The following GTF2F1 variants were observed in gnomAD, a reference collection of about 807,000 sequenced individuals.
The protein encoded by GTF2F1 is general transcription factor IIF subunit 1.
GTF2F1 carries 39 observed loss-of-function variants against 63.5 expected under a neutral mutation model. The ratio of observed to expected loss-of-function variants is 0.61; its 90% confidence interval spans 0.48 to 0.80. GTF2F1 has a LOEUF of 0.80. GTF2F1 is among the 30% of genes least tolerant of loss of function. The probability of loss-of-function intolerance (pLI) is 0.00; values close to 1 mark genes in which losing one functional copy is unlikely to be tolerated. For synonymous variants in GTF2F1, 287 were observed against 285.3 expected (o/e 1.01, Z -0.06); for missense variants, 657 against 718.3 (o/e 0.91, Z 0.97).
chr19:6,380,700 T>C lies in GTF2F1; in HGVS notation c.1232-10A>G, dbSNP rs1286300789. On this transcript the variant is annotated splice_polypyrimidine_tract_variant and intron_variant, in intron 11 of 12. Transcript: ENST00000394456. The surrounding 1 kb of genome is among the most constrained non-coding windows in gnomAD (Gnocchi z 5.3). ...TCGCTCACCCGCTTCCCTGTGGGAG[T>C]GGGGTCAGGGCTGAGTCTTGCAGGC... 3.7e-6 allele frequency: 6 copies of C among 1,607,570 alleles called. No individual in the cohort carries two copies. The highest frequency in any genetic ancestry group is 1.3e-5 in the African/African-American group (1 of 74,676).
In GTF2F1 at chr19:6,381,531, C is replaced by CG. The variant is rs2091951267; in HGVS notation, c.898+22dup. On this transcript the variant is annotated intron_variant, in intron 8 of 12. Transcript: ENST00000394456. The surrounding 1 kb of genome is among the most constrained non-coding windows in gnomAD (Gnocchi z 4.1). The stretch of plus-strand genomic sequence containing the variant: ...CAGGGAAGCACCGCCCCCATCTCCC[C>CG]GGCCCGCCCAGCCATCGCCTACCCT... 1.2e-6 allele frequency: 2 copies of CG among 1,611,054 alleles called. No homozygotes were observed. The highest frequency in any genetic ancestry group is 1.7e-6 in the Non-Finnish European group (2 of 1,179,926).
chr19:6,380,395 C>T lies in GTF2F1; in HGVS notation c.1440G>A (p.Lys480=), dbSNP rs1333309036. 3 of 1,614,114 alleles carry T rather than the reference C, an allele frequency of 1.9e-6. No homozygotes were observed. The highest frequency in any genetic ancestry group is 2.5e-6 in the Non-Finnish European group (3 of 1,180,020). Residue 480 remains lysine, a synonymous_variant, in exon 13 of 13, where the codon AAG becomes AAA. Coordinates refer to ENST00000394456, the MANE Select transcript of GTF2F1 (RefSeq NM_002096.3). This position sits in a 1 kb window ranked among gnomAD's most constrained non-coding sequence, Gnocchi z 5.3. ...TKDLLKKFQT[K]KTGLSSEQTV... ...TCTGCTCGCTGCTCAGCCCTGTCTTCTTGGTCTGGAACTTTTTCAGCAGGT... is the reference window on the plus strand; with the variant it reads ...TCTGCTCGCTGCTCAGCCCTGTCTTTTTGGTCTGGAACTTTTTCAGCAGGT...
At chr19:6,387,296 C>A in intron 5 of GTF2F1, 93 bp downstream of exon 5, 2 of 1,272,136 alleles carry the variant, frequency 1.6e-6, no homozygotes, top group Non-Finnish European at 2.2e-6. Flanking sequence ...ACCCCTGAGT[C>A]CCCAGCTCCC....
At chr19:6,385,557 T>C (rs888865127) in intron 5 of GTF2F1, among the ~76,000 whole-genome samples, 7 of 152,088 alleles carry the variant, frequency 4.6e-5, no homozygotes, top group Admixed American at 2.0e-4. Context: ...CCAGCAATGA[T>C]TGATCGACTG....
rs145464781 is a variant in GTF2F1, at chr19:6,389,566, G to A, written c.204C>T (p.Gly68=). The change falls in exon 4 of 13, where the codon GGC becomes GGT. Residue 68 remains glycine (G), a synonymous_variant. Coordinates refer to ENST00000394456, the MANE Select transcript of GTF2F1 (RefSeq NM_002096.3). Reference sequence around the variant, plus strand: ...CCCGAAGCTTGCGGTTGAACTCACTGCCCGCGCCCGATTCGGGCATCTCCT... The same window carrying A: ...CCCGAAGCTTGCGGTTGAACTCACTACCCGCGCCCGATTCGGGCATCTCCT... The part of the protein sequence containing the change: ...QEEEMPESGA[G]SEFNRKLREE... 2.2e-4 allele frequency: 356 copies of A among 1,614,206 alleles called. No homozygotes were observed. Among genetic ancestry groups the A allele is most frequent in the Non-Finnish European group, 2.8e-4 (333 of 1,180,024 alleles).
rs529694391 is a variant in GTF2F1, at chr19:6,384,251, T to TA, written c.498-757dup. Among the ~76,000 whole-genome samples, 12 of 150,304 alleles carry TA rather than the reference T, an allele frequency of 8.0e-5. No homozygotes were observed. The South Asian group carries it at 1.3e-3, about 16-fold the overall frequency. On this transcript the variant is annotated intron_variant, in intron 5 of 12. Transcript: ENST00000394456. ...GGTTGGGCGCGGTGGCTCACGCCTGTAATCCCAGCACTTTGGGAGGCCGAG... is the reference window on the plus strand; with the variant it reads ...GGTTGGGCGCGGTGGCTCACGCCTGTAAATCCCAGCACTTTGGGAGGCCGAG...
At position 6,391,926 on chromosome 19, in the gene GTF2F1, T is replaced by A; in HGVS notation, c.108A>T (p.Lys36Asn). The change falls in exon 3 of 13, where the codon AAA (lysine) becomes AAT (asparagine). Residue 36 changes from lysine (K) to asparagine (N), a missense_variant. By Grantham distance (94) the Lys-to-Asn change is moderately conservative. Transcript: ENST00000394456. ...CCTGATTCCACGTAGCAAAGTTGAC[T>A]TTGTCGGCTGCATTAAAAGCCATGA... ...YNIMAFNAAD[K>N]VNFATWNQAR... is the part of the protein sequence containing the mutation. 1 of 1,584,462 alleles carries A rather than the reference T, an allele frequency of 6.3e-7. No individual in the cohort carries two copies.
At chr19:6,386,068 T>G (rs1423635110) in intron 5 of GTF2F1, among the ~76,000 whole-genome samples, 1 of 146,422 alleles carries the variant, frequency 6.8e-6, no homozygotes, top group Non-Finnish European at 1.5e-5. Flanking sequence ...AGAGCGAGAT[T>G]CGGTCTCAAA....
chr19:6,381,002 C>A lies in GTF2F1; in HGVS notation c.1133G>T (p.Gly378Val). The change falls in exon 11 of 13, where the codon GGA becomes GTA. Residue 378 changes from glycine (G) to valine (V), a missense_variant. By Grantham distance (109) the Gly-to-Val change is moderately radical. Around this residue, in one of 2 missense-constraint regions of GTF2F1, gnomAD observed 602 missense variants for 625.6 expected, o/e 0.96. Coordinates refer to ENST00000394456, the MANE Select transcript of GTF2F1 (RefSeq NM_002096.3). This position sits in a 1 kb window ranked among gnomAD's most constrained non-coding sequence, Gnocchi z 4.1. ...TPPKRERKPS[G>V]GSSRGNSRPG... ...GCGGCTGTTGCCCCTTGAGCTCCCT[C>A]CCGACGGCTTCCGCTCTCTCTTGGG... 1 of 1,610,366 alleles carries A rather than the reference C, an allele frequency of 6.2e-7. No homozygotes were observed. Among genetic ancestry groups the A allele is most frequent in the East Asian group, 2.2e-5 (1 of 44,810 alleles).
chr19:6,392,385 G>A (rs1243088320), intron 2 of GTF2F1: 2 of 478,754 alleles, frequency 4.2e-6, no homozygotes, highest in Non-Finnish European at 8.2e-6. Context: ...CCTTGGGGAG[G>A]AGGGAGGACA....
At position 6,383,280 on chromosome 19, in the gene GTF2F1, T is replaced by A; in HGVS notation, c.682+31A>T. 1.2e-6 allele frequency: 2 copies of A among 1,606,762 alleles called. No homozygotes were observed. Among genetic ancestry groups the A allele is most frequent in the Non-Finnish European group, 1.7e-6 (2 of 1,175,060 alleles). ...CTGGCACTGCCTGAGCAGGCACCTC[T>A]GTGACCTAATGCCCAGGCGCCCGTA... On this transcript the variant is annotated intron_variant, in intron 6 of 12. Transcript: ENST00000394456. This position sits in a 1 kb window ranked among gnomAD's most constrained non-coding sequence, Gnocchi z 4.5.
Position 6,380,874 on chromosome 19 carries a change from G to C in GTF2F1, c.1231+30C>G. 1 of 1,530,204 alleles carries C rather than the reference G, an allele frequency of 6.5e-7. No individual in the cohort carries two copies. Among genetic ancestry groups the C allele is most frequent in the Non-Finnish European group, 8.8e-7 (1 of 1,142,322 alleles). 94.8% of individuals were successfully genotyped at this position (1,530,204 alleles called of 1,614,324 possible). ...AGGTCAGGAGGCTGTGGCTGTGGCT[G>C]TGGGGAGCGGGGAGGCCACGGGCAC... is the stretch of plus-strand genomic sequence containing the variant. On this transcript the variant is annotated intron_variant, in intron 11 of 12. Coordinates refer to ENST00000394456, the MANE Select transcript of GTF2F1 (RefSeq NM_002096.3). This position sits in a 1 kb window ranked among gnomAD's most constrained non-coding sequence, Gnocchi z 5.3.
rs1042216101 is a variant in GTF2F1 at position 6,383,648 on chromosome 19, C to G, written c.498-153G>C. Among the ~76,000 whole-genome samples, 8 of 152,214 alleles carry G rather than the reference C, an allele frequency of 5.3e-5. No individual in the cohort carries two copies. Among genetic ancestry groups the G allele is most frequent in the African/African-American group, 1.9e-4 (8 of 41,442 alleles). Reference sequence around the variant, plus strand: ...TGTGGCACAGGACTCCCTGAAACCACACGGATAGAGCCAGCCCTTCCTGCC... The same window carrying G: ...TGTGGCACAGGACTCCCTGAAACCAGACGGATAGAGCCAGCCCTTCCTGCC... On this transcript the variant is annotated intron_variant, in intron 5 of 12. Transcript: ENST00000394456. The surrounding 1 kb of genome is among the most constrained non-coding windows in gnomAD (Gnocchi z 4.5).
rs748563388 is a variant in GTF2F1 at position 6,381,122 on chromosome 19, C to T, written c.1092G>A (p.Ala364=). 1.7e-5 allele frequency: 27 copies of T among 1,611,438 alleles called. No homozygotes were observed. Among genetic ancestry groups the T allele is most frequent in the African/African-American group, 4.0e-5 (3 of 74,900 alleles). The stretch of plus-strand genomic sequence containing the variant: ...CCCCCGCCACCGGGCTGGGCCTTAC[C>T]GCCATGAAGAGGGCTGAGGAGGCCT... ...DSEASSALFM[A]KKKTPPKRER... is the part of the protein sequence containing the mutation. Residue 364 remains alanine (A), a splice_region_variant and synonymous_variant, in exon 10 of 13, where the codon GCG becomes GCA. Coordinates refer to ENST00000394456, the MANE Select transcript of GTF2F1 (RefSeq NM_002096.3). The surrounding 1 kb of genome is among the most constrained non-coding windows in gnomAD (Gnocchi z 4.1).
chr19:6,380,574 C>T lies in GTF2F1; in HGVS notation c.1348G>A (p.Gly450Ser), dbSNP rs756438444. The change falls in exon 12 of 13, where the codon GGC becomes AGC. Residue 450 changes from glycine to serine, a missense_variant and splice_region_variant. Physicochemically the swap from Gly to Ser is moderately conservative, Grantham distance 56 (BLOSUM62 0). Around this residue, in one of 2 missense-constraint regions of GTF2F1, gnomAD observed 602 missense variants for 625.6 expected, o/e 0.96. Transcript: ENST00000394456. This position sits in a 1 kb window ranked among gnomAD's most constrained non-coding sequence, Gnocchi z 5.3. The stretch of plus-strand genomic sequence containing the variant: ...CCCCTGCTGTCCTCGTCAACTTACC[C>T]GCTGTTGGGTGTTGTCTTGCCTGAT... ...PPSGKTTPNSGDVQVTEDAVR... is the reference protein window; with the variant it reads ...PPSGKTTPNSSDVQVTEDAVR... 1.4e-5 allele frequency: 23 copies of T among 1,613,858 alleles called. No individual in the cohort carries two copies. The highest frequency in any genetic ancestry group is 2.2e-5 in the East Asian group (1 of 44,870).
chr19:6,392,669 A>G (rs895805511), intron 2 of GTF2F1, among the ~76,000 whole-genome samples, 188 bp downstream of exon 2: 8 of 152,176 alleles, frequency 5.3e-5, no homozygotes, highest in African/African-American at 1.9e-4. Context: ...GCACTCATTC[A>G]TTCATTCGTT....
intron 3 of GTF2F1, among the ~76,000 whole-genome samples, chr19:6,391,581 T>C (rs2091998268): frequency 6.6e-6 from 1 of 151,272 alleles, no homozygotes; most frequent in Non-Finnish European, 1.5e-5. Context: ...GCCTCCTATG[T>C]AGGACTACAG....
intron 6 of GTF2F1, among the ~76,000 whole-genome samples, chr19:6,382,954 T>C (rs140466892): frequency 0.057 from 8,636 of 152,048 alleles, 336 homozygotes; most frequent in Non-Finnish European, 0.088. Flanking sequence ...CAGGCTGGAG[T>C]CCAGTGGCGT....
chr19:6,380,296 G>A lies in GTF2F1; in HGVS notation c.1539C>T (p.Phe513=), dbSNP rs1568328230. ...ERKMINDKMH[F]SLKE ...GGACCAAGCCTCACTCCTTGAGGGA[G>A]AAGTGCATTTTGTCGTTGATCATCT... The change falls in exon 13 of 13, where the codon TTC becomes TTT. Residue 513 remains phenylalanine, a synonymous_variant. Transcript: ENST00000394456. This position sits in a 1 kb window ranked among gnomAD's most constrained non-coding sequence, Gnocchi z 5.3. 6.2e-7 allele frequency: 1 copy of A among 1,614,030 alleles called. No homozygotes were observed. The highest frequency in any genetic ancestry group is 8.5e-7 in the Non-Finnish European group (1 of 1,179,908).
Sources: allele counts gnomAD v4.1 joint callset (sites outside exome capture counted in the v4.1 genomes callset), GRCh38; gene constraint gnomAD v4.1.1; regional missense constraint gnomAD v4.1.1; non-coding constraint Gnocchi (gnomAD v3.1); transcripts MANE v1.5; gene names NCBI Gene and HGNC (gene_info 2026-07-23, HGNC 2026-07-21).